The following HGFAC variants were observed in gnomAD, a reference collection of about 807,000 sequenced individuals.
HGFAC encodes HGF activator.
Under a neutral mutation model 70.6 loss-of-function variants are expected in HGFAC, and 76 were observed. The ratio of observed to expected loss-of-function variants is 1.08; its 90% CI spans 0.89 to 1.30. The LOEUF (loss-of-function observed/expected upper bound fraction) is 1.30, where lower values mean the gene tolerates loss of function less well. HGFAC is among the 50% of genes most tolerant of loss of function. The probability of loss-of-function intolerance (pLI) is 0.00; values close to 1 mark genes in which losing one functional copy is unlikely to be tolerated. For synonymous variants in HGFAC, 464 were observed against 405.3 expected (o/e 1.14, Z -1.74); for missense variants, 1,044 against 933.7 (o/e 1.12, Z -1.54).
At position 3,448,154 on chromosome 4, in the gene HGFAC, C is replaced by T. The variant is rs375519640; in HGVS notation, c.1663C>T (p.Arg555Trp). ...ENVSGYSSSL[R>W]EALVPLVADH... ...CGTGAGCGGCTACTCCAGCTCCCTG[C>T]GGGAGGCCCTGGTCCCCCTGGTCGC... The change falls in exon 13 of 14, where the codon CGG becomes TGG. Residue 555 changes from arginine (R) to tryptophan (W), a missense_variant. Coordinates refer to ENST00000382774, the MANE Select transcript of HGFAC (RefSeq NM_001528.4). The T allele has an allele frequency of 1.6e-4, 257 of 1,596,966 alleles. 2 individuals carry two copies. Among genetic ancestry groups the T allele is most frequent in the Non-Finnish European group, 2.1e-4 (248 of 1,173,110 alleles).
At chr4:3,448,329 C>T in intron 13 of HGFAC, 53 bp downstream of exon 13, 2 of 1,578,106 alleles carry the variant, frequency 1.3e-6, no homozygotes, top group Non-Finnish European at 1.7e-6. Flanking sequence ...TCAGCTGGTC[C>T]TGAGTCTCCG....
Position 3,446,089 on chromosome 4 carries a change from C to T in HGFAC, c.1150C>T (p.Pro384Ser), listed in dbSNP as rs376361903. 102 of 1,609,706 alleles carry T rather than the reference C, an allele frequency of 6.3e-5. No homozygotes were observed. The highest frequency in any genetic ancestry group is 7.8e-5 in the Non-Finnish European group (92 of 1,178,742). ...GTCACCGGATCTCCTGGCGACCCTGCCTGAGCCAGCCTCCCCGGGGCGCCA... is the reference window on the plus strand; with the variant it reads ...GTCACCGGATCTCCTGGCGACCCTGTCTGAGCCAGCCTCCCCGGGGCGCCA... ...QLSPDLLATL[P>S]EPASPGRQAC... is the part of the protein sequence containing the mutation. The change falls in exon 10 of 14, where the codon CCT (proline) becomes TCT (serine). Residue 384 changes from proline to serine, a missense_variant. Pro to Ser is a moderately conservative substitution (Grantham distance 74, BLOSUM62 -1). Transcript: ENST00000382774.
Position 3,444,833 on chromosome 4 carries a change from T to C in HGFAC, c.856T>C (p.Cys286Arg), listed in dbSNP as rs1045731346. Reference sequence around the variant, plus strand: ...TCTGCCCGCAGAGCCTGATGAGCGCTGCTTCTTGGGGAACGGCACTGGGTA... The same window carrying C: ...TCTGCCCGCAGAGCCTGATGAGCGCCGCTTCTTGGGGAACGGCACTGGGTA... ...RLCNIEPDER[C>R]FLGNGTGYRG... Residue 286 changes from cysteine (C) to arginine (R), a missense_variant, in exon 8 of 14, where the codon TGC becomes CGC. Physicochemically the swap from Cys to Arg is radical, Grantham distance 180. Transcript: ENST00000382774. 1.9e-6 allele frequency: 3 copies of C among 1,599,150 alleles called. No homozygotes were observed. The African/African-American group carries it at 4.0e-5, about 21-fold the overall frequency.
Position 3,446,311 on chromosome 4 carries a change from C to T in HGFAC, c.1355+17C>T. 1 of 1,596,786 alleles carries T rather than the reference C, an allele frequency of 6.3e-7. No individual in the cohort carries two copies. The highest frequency in any genetic ancestry group is 8.5e-7 in the Non-Finnish European group (1 of 1,173,026). On this transcript the variant is annotated intron_variant, in intron 10 of 13. Transcript: ENST00000382774. ...CTCCCACAGGTGCACCTCCTCTGGG[C>T]CCCAGTCACCTGCCCTGAGGCCCCA...
At chr4:3,448,335 C>A (rs532834963) in intron 13 of HGFAC, 59 bp downstream of exon 13, 63 of 1,562,154 alleles carry the variant, frequency 4.0e-5, no homozygotes, top group Middle Eastern at 4.6e-4. Context: ...GGTCCTGAGT[C>A]TCCGAGATGC....
rs758130108 is a variant in HGFAC at position 3,444,175 on chromosome 4, C to T, written c.598+14C>T. 12 of 1,586,598 alleles carry T rather than the reference C, an allele frequency of 7.6e-6. No individual in the cohort carries two copies. Among genetic ancestry groups the T allele is most frequent in the African/African-American group, 1.3e-5 (1 of 74,246 alleles). On this transcript the variant is annotated intron_variant, in intron 5 of 13. Transcript: ENST00000382774. Reference sequence around the variant, plus strand: ...ACTGCGGCACAGGTGAGCTGGGCCTCGGAGGTCCGCAGGGGTCCAGGGGCC... The same window carrying T: ...ACTGCGGCACAGGTGAGCTGGGCCTTGGAGGTCCGCAGGGGTCCAGGGGCC...
At chr4:3,447,027 G>A (rs1725534044) in intron 10 of HGFAC, among the ~76,000 whole-genome samples, 1 of 152,204 alleles carries the variant, frequency 6.6e-6, no homozygotes, top group African/African-American at 2.4e-5. Flanking sequence ...GGAGGCCGAG[G>A]CAGGGTGGAG....
upstream of HGFAC, chr4:3,441,922 AT>A (rs1006498631): frequency 5.1e-6 from 4 of 785,802 alleles, no homozygotes; most frequent in African/African-American, 1.8e-5. The surrounding 1 kb of genome is among the most constrained non-coding windows in gnomAD (Gnocchi z 6.0). Context: ...AGGGTTAATC[AT>A]TTCCACGAAG....
At chr4:3,449,183 G>C (rs1725639690) in intron 13 of HGFAC, 54 bp from the exon 14 acceptor site, 1 of 1,528,054 alleles carries the variant, frequency 6.5e-7, no homozygotes, top group South Asian at 1.2e-5. Context: ...GGGGAGAGGG[G>C]GGTCCCTGAA....
In HGFAC at chr4:3,444,808, T is replaced by A. The variant is rs780853328; in HGVS notation, c.842-11T>A. The A allele has an allele frequency of 4.4e-6, 7 of 1,587,076 alleles. No homozygotes were observed. The East Asian group carries it at 1.6e-4, about 36-fold the overall frequency. ...CACCGTGGGCCGGCCTCACTGCCCC[T>A]CTGCCCGCAGAGCCTGATGAGCGCT... On this transcript the variant is annotated splice_polypyrimidine_tract_variant and intron_variant, in intron 7 of 13. Coordinates refer to ENST00000382774, the MANE Select transcript of HGFAC (RefSeq NM_001528.4).
intron 9 of HGFAC, 190 bp from the exon 10 acceptor site, chr4:3,445,852 C>G: frequency 1.3e-6 from 2 of 1,532,400 alleles, no homozygotes; most frequent in Non-Finnish European, 8.8e-7. Context: ...GCCTCGGGAT[C>G]GGGCATCAAA....
rs748664939 is a variant in HGFAC, at chr4:3,449,299, C to T, written c.1848C>T (p.Ile616=). 21 of 1,612,412 alleles carry T rather than the reference C, an allele frequency of 1.3e-5. No homozygotes were observed. Among genetic ancestry groups the T allele is most frequent in the East Asian group, 2.2e-5 (1 of 44,856 alleles). ...GCGTGGCTTACCTCTACGGCATCAT[C>T]AGCTGGGGTGACGGCTGCGGGCGGC... ...KNGVAYLYGI[I]SWGDGCGRLH... is the part of the protein sequence containing the mutation. The change falls in exon 14 of 14, where the codon ATC becomes ATT. Residue 616 remains isoleucine, a synonymous_variant. Transcript: ENST00000382774.
intron 10 of HGFAC, 99 bp downstream of exon 10, chr4:3,446,393 G>T: frequency 6.9e-7 from 1 of 1,440,240 alleles, no homozygotes; most frequent in Non-Finnish European, 9.3e-7. Context: ...CCCCATCCCG[G>T]TGCCTCTGCT....
At chr4:3,448,724 AC>A (rs1428678284) in intron 13 of HGFAC, among the ~76,000 whole-genome samples, 1 of 152,164 alleles carries the variant, frequency 6.6e-6, no homozygotes, top group African/African-American at 2.4e-5. Flanking sequence ...CGGCACGGCA[AC>A]CCTGGCATGC....
In HGFAC at chr4:3,444,384, C is replaced by G. The variant is rs372890331; in HGVS notation, c.672C>G (p.His224Gln). The change falls in exon 6 of 14, where the codon CAC becomes CAG. Residue 224 changes from histidine to glutamine, a missense_variant. Transcript: ENST00000382774. ...GDRWARVRQG[H>Q]VEQCECFGGR... is the part of the protein sequence containing the mutation. ...GCTGGGCCCGCGTGCGCCAGGGCCA[C>G]GTGGAACAGTGCGAGTGCTTCGGGG... 18 of 1,604,822 alleles carry G rather than the reference C, an allele frequency of 1.1e-5. No individual in the cohort carries two copies. The highest frequency in any genetic ancestry group is 1.5e-5 in the Non-Finnish European group (18 of 1,177,000).
chr4:3,447,982 C>A lies in HGFAC; in HGVS notation c.1583C>A (p.Thr528Asn). The A allele has an allele frequency of 6.3e-7, 1 of 1,583,588 alleles. No homozygotes were observed. Among genetic ancestry groups the A allele is most frequent in the East Asian group, 2.3e-5 (1 of 43,068 alleles). ...ATCTGCCTGCCCGAGCCCGGCAGCA[C>A]CTTCCCCGCAGGACACAAGTGCCAG... The part of the protein sequence containing the change: ...QPICLPEPGS[T>N]FPAGHKCQIA... The change falls in exon 12 of 14, where the codon ACC (threonine) becomes AAC (asparagine). Residue 528 changes from threonine (T) to asparagine (N), a missense_variant. Physicochemically the swap from Thr to Asn is moderately conservative, Grantham distance 65 (BLOSUM62 0). Coordinates refer to ENST00000382774, the MANE Select transcript of HGFAC (RefSeq NM_001528.4).
In HGFAC at chr4:3,444,179, G is replaced by T. The variant is rs1322070145; in HGVS notation, c.598+18G>T. 1 of 1,586,646 alleles carries T rather than the reference G, an allele frequency of 6.3e-7. No individual in the cohort carries two copies. The highest frequency in any genetic ancestry group is 1.1e-5 in the South Asian group (1 of 88,100). On this transcript the variant is annotated intron_variant, in intron 5 of 13. Coordinates refer to ENST00000382774, the MANE Select transcript of HGFAC (RefSeq NM_001528.4). ...CGGCACAGGTGAGCTGGGCCTCGGA[G>T]GTCCGCAGGGGTCCAGGGGCCGGAG...
intron 13 of HGFAC, 62 bp from the exon 14 acceptor site, chr4:3,449,175 G>A: frequency 6.7e-7 from 1 of 1,489,816 alleles, no homozygotes; most frequent in South Asian, 1.2e-5. Context: ...GCCACTTGGG[G>A]GAGAGGGGGG....
chr4:3,444,263 C>G, intron 5 of HGFAC, 48 bp from the exon 6 acceptor site: 2 of 1,568,386 alleles, frequency 1.3e-6, no homozygotes, highest in Non-Finnish European at 1.7e-6. Flanking sequence ...GGGCCCTGCA[C>G]GGGGACAGCA....
Sources: allele counts gnomAD v4.1 joint callset (sites outside exome capture counted in the v4.1 genomes callset), GRCh38; gene constraint gnomAD v4.1.1; non-coding constraint Gnocchi (gnomAD v3.1); transcripts MANE v1.5; gene names NCBI Gene and HGNC (gene_info 2026-07-23, HGNC 2026-07-21).